Variants in CASP8 observed in about 807,000 individuals in gnomAD.
CASP8 encodes caspase 8.
A neutral mutation model predicts 46.3 loss-of-function variants in CASP8; 24 were observed. That is an observed-to-expected ratio of 0.52 (90% CI 0.38 to 0.73). CASP8 has a LOEUF of 0.73. Among genes scored for constraint, CASP8 ranks in the 30% least tolerant of loss-of-function variants. CASP8 has a pLI of 0.00. For missense variants in CASP8, 460 were observed against 559.0 expected (o/e 0.82, Z 1.79); for synonymous variants, 188 against 200.4 (o/e 0.94, Z 0.52).
chr2:201,251,084 T>C (rs80201352), intron 2 of CASP8, among the ~76,000 whole-genome samples: 4,144 of 152,332 alleles, frequency 0.027, 79 homozygotes, highest in Middle Eastern at 0.058. Flanking sequence ...CGTGGTTTGA[T>C]AGCTCATTTC....
chr2:201,278,097 TTGG>T, intron 7 of CASP8: 1 of 152,806 alleles, frequency 6.5e-6, no homozygotes, highest in South Asian at 2.0e-4. Flanking sequence ...CACTATGCGC[TTGG>T]TATTGAAAAA....
At chr2:201,283,773 G>A (rs1949336102) in intron 7 of CASP8, among the ~76,000 whole-genome samples, 3 of 64,274 alleles carry the variant, frequency 4.7e-5, no homozygotes, top group Non-Finnish European at 1.2e-4. Flanking sequence ...CCGGGCAGAG[G>A]AGCCCCTCAC....
chr2:201,255,239 C>G (rs1946961879), intron 2 of CASP8, among the ~76,000 whole-genome samples: 1 of 152,134 alleles, frequency 6.6e-6, no homozygotes, highest in South Asian at 2.1e-4. Flanking sequence ...CCATGCCCAA[C>G]TAATTTTTTT....
chr2:201,281,241 G>A (rs1948985744), intron 7 of CASP8, among the ~76,000 whole-genome samples: 1 of 152,078 alleles, frequency 6.6e-6, no homozygotes, highest in Admixed American at 6.5e-5. Context: ...TTGAACTTGG[G>A]GGGCAGAAGT....
intron 2 of CASP8, 149 bp from the exon 3 acceptor site, chr2:201,271,367 T>A: frequency 1.4e-6 from 1 of 689,756 alleles, no homozygotes; most frequent in Non-Finnish European, 2.7e-6. Context: ...CACACCAGCC[T>A]CTTTCCAAGG....
At chr2:201,258,649 A>T (rs1360711999), upstream of CASP8, among the ~76,000 whole-genome samples, 1 of 152,212 alleles carries the variant, frequency 6.6e-6, no homozygotes, top group Non-Finnish European at 1.5e-5. Flanking sequence ...CCTCGAATGC[A>T]GATACACGGT....
chr2:201,238,802 G>A (rs1349315129), intron 2 of CASP8, among the ~76,000 whole-genome samples: 1 of 151,880 alleles, frequency 6.6e-6, no homozygotes, highest in Non-Finnish European at 1.5e-5. Flanking sequence ...TCATTCTTGG[G>A]TGTTTCTCAC....
At chr2:201,253,950 A>G (rs965693714) in intron 2 of CASP8, among the ~76,000 whole-genome samples, 5 of 152,000 alleles carry the variant, frequency 3.3e-5, no homozygotes, top group Non-Finnish European at 7.4e-5. Flanking sequence ...GTGTGGTGGC[A>G]CACACCTGTA....
At chr2:201,257,077 G>A (rs1300111720), upstream of CASP8, among the ~76,000 whole-genome samples, 1 of 152,020 alleles carries the variant, frequency 6.6e-6, no homozygotes, top group African/African-American at 2.4e-5. Context: ...CCCGGGAGGC[G>A]GAGGTTGCTG....
At chr2:201,249,660 G>A (rs1946690365) in intron 2 of CASP8, among the ~76,000 whole-genome samples, 1 of 152,178 alleles carries the variant, frequency 6.6e-6, no homozygotes, top group African/African-American at 2.4e-5. Context: ...GGGAGGCGGA[G>A]GTTGCAGTGA....
At chr2:201,241,945 T>C (rs1946317709) in intron 2 of CASP8, 1 of 152,144 alleles carries the variant, frequency 6.6e-6, no homozygotes, top group South Asian at 2.1e-4. Flanking sequence ...GGCAAAGATA[T>C]AAAGATAACA....
intron 2 of CASP8, 74 bp from the exon 3 acceptor site, chr2:201,271,442 C>T: frequency 2.2e-6 from 2 of 892,166 alleles, no homozygotes; most frequent in Admixed American, 3.4e-5. Context: ...GAATCAAGCC[C>T]ACTGTGACTC....
At chr2:201,249,302 C>T (rs1946669151) in intron 2 of CASP8, among the ~76,000 whole-genome samples, 1 of 152,160 alleles carries the variant, frequency 6.6e-6, no homozygotes, top group East Asian at 1.9e-4. Context: ...GTTGATCTGT[C>T]GTTATTTACT....
intron 2 of CASP8, among the ~76,000 whole-genome samples, chr2:201,253,291 A>ATTTT (rs1192062600): frequency 3.4e-5 from 2 of 58,784 alleles, no homozygotes; most frequent in Admixed American, 2.4e-4. Context: ...ACCTAGCCTG[A>ATTTT]TCTTTTTTTT....
At position 201,279,192 on chromosome 2, in the gene CASP8, CTGATTCATACCTT is replaced by C. The variant is rs528497350; in HGVS notation, c.802+2225_802+2237del. On this transcript the variant is annotated intron_variant, in intron 7 of 8. Coordinates refer to ENST00000673742, the MANE Select transcript of CASP8 (RefSeq NM_001372051.1). ...AGCCTATATAAGCCTATACAATCCT[CTGATTCATACCTT>C]CCTCTCATAGAGCCAGCAACTATTC... Among the ~76,000 whole-genome samples the C allele has an allele frequency of 2.9e-3, 435 of 152,326 alleles. 5 individuals carry two copies. The highest frequency in any genetic ancestry group is 9.7e-3 in the African/African-American group (405 of 41,572).
At position 201,266,426 on chromosome 2, in the gene CASP8, T is replaced by C. The variant is rs760754290; in HGVS notation, c.-26-35T>C. ...AACAAGCCAGCAAATGGTACTTTTC[T>C]TCCTTATCTGAACATACCATTTATT... On this transcript the variant is annotated intron_variant, in intron 1 of 8. Transcript: ENST00000673742. The surrounding 1 kb of genome is among the most constrained non-coding windows in gnomAD (Gnocchi z 5.7). 25 of 1,530,158 alleles carry C rather than the reference T, an allele frequency of 1.6e-5. No individual in the cohort carries two copies. The South Asian group carries it at 2.6e-4, about 16-fold the overall frequency. The allele number at this position is 1,530,158 out of a possible 1,614,324, so 94.8% of individuals were successfully genotyped here.
upstream of CASP8, among the ~76,000 whole-genome samples, chr2:201,256,010 G>T (rs1947002237): frequency 6.6e-6 from 1 of 152,126 alleles, no homozygotes; most frequent in Non-Finnish European, 1.5e-5. Flanking sequence ...ATCCTGCCTT[G>T]GTCTTCCAAA....
chr2:201,256,612 A>C (rs1243589326), upstream of CASP8, among the ~76,000 whole-genome samples: 1 of 152,242 alleles, frequency 6.6e-6, no homozygotes, highest in African/African-American at 2.4e-5. Context: ...AAAGGGAGTT[A>C]GTATGTCATA....
rs1949265038 is a variant in CASP8 at position 201,283,320 on chromosome 2, C to A, written c.803-1496C>A. 3.9e-5 allele frequency among the ~76,000 whole-genome samples: 3 copies of A among 77,498 alleles called. No homozygotes were observed. In the South Asian group the frequency reaches 2.1e-3, roughly 55 times the overall value. The allele number at this position is 77,498 out of a possible 152,430, so 50.8% of individuals were successfully genotyped here. On this transcript the variant is annotated intron_variant, in intron 7 of 8. Coordinates refer to ENST00000673742, the MANE Select transcript of CASP8 (RefSeq NM_001372051.1). ...GGGCGACTGGCCGGGCAGAGGGGCT[C>A]CTCACTTCCCAGTAGGGGCGGCCGG...
Sources: allele counts gnomAD v4.1 joint callset (sites outside exome capture counted in the v4.1 genomes callset), GRCh38; gene constraint gnomAD v4.1.1; non-coding constraint Gnocchi (gnomAD v3.1); transcripts MANE v1.5; gene names NCBI Gene and HGNC (gene_info 2026-07-23, HGNC 2026-07-21).